Variants in HDAC9 observed in about 807,000 individuals in gnomAD.
The protein encoded by HDAC9 is MEF-2 interacting transcription repressor (MITR) protein.
A neutral mutation model predicts 139.4 loss-of-function variants in HDAC9; 41 were observed. That is an observed-to-expected ratio of 0.29 (90% CI 0.23 to 0.38). The LOEUF is 0.38. Among genes scored for constraint, HDAC9 ranks in the 10% least tolerant of loss-of-function variants. HDAC9 has a pLI of 1.00. For synonymous variants in HDAC9, 517 were observed against 476.2 expected (o/e 1.09, Z -1.12); for missense variants, 1,147 against 1,297.0 (o/e 0.88, Z 1.78).
chr7:18,850,969 A>C (rs930787529), intron 21 of HDAC9, among the ~76,000 whole-genome samples: 11 of 152,050 alleles, frequency 7.2e-5, no homozygotes, highest in African/African-American at 2.7e-4. Context: ...CAAAGGCCCC[A>C]CCTCCTAATA....
intron 6 of HDAC9, among the ~76,000 whole-genome samples, chr7:18,610,870 C>G (rs1428202164): frequency 6.6e-6 from 1 of 152,186 alleles, no homozygotes; most frequent in African/African-American, 2.4e-5. Context: ...CCCATGTACA[C>G]ATTGCACCTC....
chr7:18,486,933 A>T (rs1011785159), intron 1 of HDAC9, among the ~76,000 whole-genome samples: 2 of 152,092 alleles, frequency 1.3e-5, no homozygotes. Flanking sequence ...CTGTAGATTC[A>T]TATGTATCTA....
At chr7:18,556,412 T>C (rs1305932755) in intron 2 of HDAC9, among the ~76,000 whole-genome samples, 1 of 152,084 alleles carries the variant, frequency 6.6e-6, no homozygotes, top group Non-Finnish European at 1.5e-5. Context: ...ATAAGAAATG[T>C]AGTAGGAAAC....
intron 1 of HDAC9, among the ~76,000 whole-genome samples, chr7:18,108,330 T>C (rs1783366925): frequency 6.6e-6 from 1 of 152,112 alleles, no homozygotes; most frequent in African/African-American, 2.4e-5. Flanking sequence ...TATATGGAGA[T>C]GGGCGCCATC....
At chr7:18,113,765 A>G (rs1247645444) in intron 1 of HDAC9, among the ~76,000 whole-genome samples, 1 of 152,154 alleles carries the variant, frequency 6.6e-6, no homozygotes, top group African/African-American at 2.4e-5. Context: ...CAGTCCTTAT[A>G]TTTCTCTCAG....
chr7:18,520,797 G>T (rs1336679811), intron 2 of HDAC9, among the ~76,000 whole-genome samples: 2 of 152,198 alleles, frequency 1.3e-5, no homozygotes, highest in South Asian at 2.1e-4. Context: ...TATGAAAGAA[G>T]ATAGCCCAGA....
chr7:18,446,422 G>T (rs1439880158), intron 1 of HDAC9, among the ~76,000 whole-genome samples: 1 of 152,178 alleles, frequency 6.6e-6, no homozygotes, highest in East Asian at 1.9e-4. Context: ...GACAGGACTT[G>T]AAAACTGGGA....
intron 23 of HDAC9, among the ~76,000 whole-genome samples, chr7:18,944,505 A>G (rs1259645999): frequency 6.6e-6 from 1 of 152,164 alleles, no homozygotes; most frequent in Non-Finnish European, 1.5e-5. Context: ...ATTCTCTTAC[A>G]TCACAGTGCT....
chr7:18,609,443 T>C (rs1280219675), intron 6 of HDAC9, among the ~76,000 whole-genome samples: 1 of 152,148 alleles, frequency 6.6e-6, no homozygotes, highest in Non-Finnish European at 1.5e-5. Flanking sequence ...GGCAGGCACA[T>C]GTGTGGCATA....
At chr7:18,939,756 A>C (rs1781894113) in intron 23 of HDAC9, among the ~76,000 whole-genome samples, 1 of 152,334 alleles carries the variant, frequency 6.6e-6, no homozygotes, top group South Asian at 2.1e-4. Context: ...TTCAAATCCC[A>C]GTTTCCCTCC....
intron 6 of HDAC9, among the ~76,000 whole-genome samples, chr7:18,614,650 T>G (rs897660599): frequency 6.6e-6 from 1 of 152,210 alleles, no homozygotes; most frequent in African/African-American, 2.4e-5. Context: ...GTCAACAAAA[T>G]GTGAATCAGA....
At chr7:18,684,801 T>G (rs954068042) in intron 12 of HDAC9, among the ~76,000 whole-genome samples, 5 of 151,980 alleles carry the variant, frequency 3.3e-5, no homozygotes, top group Admixed American at 6.6e-5. Flanking sequence ...TATTTATGAG[T>G]GAACTTTTTT....
intron 17 of HDAC9, among the ~76,000 whole-genome samples, chr7:18,826,809 C>G (rs948611105): frequency 6.6e-5 from 10 of 151,854 alleles, no homozygotes; most frequent in African/African-American, 2.4e-4. Flanking sequence ...TGCTTTAACT[C>G]CTGCCTAGGA....
intron 19 of HDAC9, among the ~76,000 whole-genome samples, chr7:18,832,707 A>G (rs1174378643): frequency 6.6e-6 from 1 of 150,792 alleles, no homozygotes; most frequent in African/African-American, 2.4e-5. Context: ...ATTTTACAGC[A>G]AGGAAAACAA....
At chr7:18,253,522 C>T (rs914707976) in intron 2 of HDAC9, among the ~76,000 whole-genome samples, 1 of 151,938 alleles carries the variant, frequency 6.6e-6, no homozygotes, top group African/African-American at 2.4e-5. Context: ...AGCTTTTTTT[C>T]ATATGCTTGT....
chr7:18,446,959 G>T (rs569046863), intron 1 of HDAC9, among the ~76,000 whole-genome samples: 2 of 152,244 alleles, frequency 1.3e-5, no homozygotes, highest in East Asian at 3.9e-4. Context: ...GTATATCTAA[G>T]TATATGCTAA....
At chr7:18,110,529 A>G (rs1289204072) in intron 1 of HDAC9, among the ~76,000 whole-genome samples, 1 of 152,074 alleles carries the variant, frequency 6.6e-6, no homozygotes, top group South Asian at 2.1e-4. Context: ...GTGCAAATGG[A>G]GTGTAGACTC....
At chr7:18,497,437 G>T (rs972054001) in intron 2 of HDAC9, among the ~76,000 whole-genome samples, 1 of 152,088 alleles carries the variant, frequency 6.6e-6, no homozygotes, top group African/African-American at 2.4e-5. Flanking sequence ...TTTAAAGCTA[G>T]TTTTCTTTAA....
intron 24 of HDAC9, 98 bp downstream of exon 24, chr7:18,954,328 C>G: frequency 1.1e-6 from 1 of 931,010 alleles, no homozygotes; most frequent in Non-Finnish European, 1.6e-6. Context: ...TTAGAGTTAT[C>G]ATAATTTGCA....
Sources: allele counts gnomAD v4.1 joint callset (sites outside exome capture counted in the v4.1 genomes callset), GRCh38; gene constraint gnomAD v4.1.1; transcripts MANE v1.5; gene names NCBI Gene and HGNC (gene_info 2026-07-23, HGNC 2026-07-21).